The following GPC5 variants were observed in gnomAD, a reference collection of about 807,000 sequenced individuals.
GPC5 encodes glypican-5.
Under a neutral mutation model 53.9 loss-of-function variants are expected in GPC5, and 47 were observed. That is an observed-to-expected ratio of 0.87 (90% confidence interval 0.69 to 1.11). The LOEUF is 1.11. GPC5 is among the 50% of genes most tolerant of loss of function. The probability of loss-of-function intolerance (pLI) is 0.00; values close to 1 mark genes in which losing one functional copy is unlikely to be tolerated. For synonymous variants in GPC5, 286 were observed against 263.3 expected (o/e 1.09, Z -0.84); for missense variants, 748 against 713.1 (o/e 1.05, Z -0.56).
chr13:91,420,493 C>T (rs1459651517), intron 1 of GPC5, among the ~76,000 whole-genome samples: 2 of 152,114 alleles, frequency 1.3e-5, no homozygotes, highest in Non-Finnish European at 1.5e-5. Context: ...TATTTCTTAC[C>T]CTCAGAGCCA....
At chr13:92,529,950 A>G (rs1051508767) in intron 7 of GPC5, among the ~76,000 whole-genome samples, 1 of 151,840 alleles carries the variant, frequency 6.6e-6, no homozygotes, top group East Asian at 1.9e-4. Context: ...CCAGCGTGGT[A>G]GTGCGCCCCT....
chr13:92,242,580 A>T (rs925106194), intron 7 of GPC5, among the ~76,000 whole-genome samples: 1 of 151,998 alleles, frequency 6.6e-6, no homozygotes, highest in Non-Finnish European at 1.5e-5. Context: ...ATGTAACCAC[A>T]AAATTAAAAA....
At chr13:91,962,272 G>C (rs2040133206) in intron 6 of GPC5, among the ~76,000 whole-genome samples, 1 of 152,072 alleles carries the variant, frequency 6.6e-6, no homozygotes, top group African/African-American at 2.4e-5. Flanking sequence ...TTTTGAAACT[G>C]AAATTAACAT....
intron 4 of GPC5, among the ~76,000 whole-genome samples, chr13:91,749,988 T>G (rs896227644): frequency 6.6e-6 from 1 of 152,130 alleles, no homozygotes; most frequent in Non-Finnish European, 1.5e-5. Flanking sequence ...TTTTGTATTT[T>G]TAGTAGAAAC....
At chr13:91,469,909 G>A (rs1422871783) in intron 2 of GPC5, among the ~76,000 whole-genome samples, 5 of 152,132 alleles carry the variant, frequency 3.3e-5, no homozygotes, top group East Asian at 1.9e-4. Flanking sequence ...GCAGGGTGGC[G>A]TGTGCCTGTA....
At chr13:92,350,485 G>A (rs543709454) in intron 7 of GPC5, among the ~76,000 whole-genome samples, 9 of 152,248 alleles carry the variant, frequency 5.9e-5, no homozygotes, top group African/African-American at 2.2e-4. Flanking sequence ...ATCTAAAACA[G>A]TTGAACTCAT....
rs1278669079 is a variant in GPC5, at chr13:91,576,309, A to G, written c.326-116878A>G. 6.7e-5 allele frequency among the ~76,000 whole-genome samples: 4 copies of G among 60,022 alleles called. No homozygotes were observed. The East Asian group carries it at 1.5e-3, about 23-fold the overall frequency. The allele number at this position is 60,022 out of a possible 152,430, so 39.4% of individuals were successfully genotyped here. A position where few individuals can be genotyped will look rare whatever the true frequency, so the allele number is the denominator to read the frequency against. On this transcript the variant is annotated intron_variant, in intron 2 of 7. Coordinates refer to ENST00000377067, the MANE Select transcript of GPC5 (RefSeq NM_004466.6). Reference sequence around the variant, plus strand: ...ATATGTTAATTAGTTTAATTTAGCCAATACACAATGTGTATATATATATAT... The same window carrying G: ...ATATGTTAATTAGTTTAATTTAGCCGATACACAATGTGTATATATATATAT...
intron 6 of GPC5, among the ~76,000 whole-genome samples, chr13:92,001,883 AT>A (rs915748371): frequency 1.3e-5 from 2 of 152,122 alleles, no homozygotes; most frequent in African/African-American, 2.4e-5. Context: ...TGGAATTCTC[AT>A]TTTTAGTTTT....
At chr13:92,712,808 T>A (rs900196050) in intron 7 of GPC5, among the ~76,000 whole-genome samples, 1 of 152,174 alleles carries the variant, frequency 6.6e-6, no homozygotes, top group African/African-American at 2.4e-5. Context: ...GTCATATGAA[T>A]GGGCGTCAAT....
intron 3 of GPC5, among the ~76,000 whole-genome samples, chr13:91,721,063 CCCTTTCTT>C (rs1159395096): frequency 6.1e-5 from 9 of 147,180 alleles, no homozygotes; most frequent in African/African-American, 1.0e-4. Flanking sequence ...TTCCTTCCTT[CCCTTTCTT>C]TCTTTCTTTC....
chr13:92,729,447 A>G (rs541221664), intron 7 of GPC5, among the ~76,000 whole-genome samples: 17 of 151,596 alleles, frequency 1.1e-4, no homozygotes, highest in African/African-American at 3.9e-4. Context: ...ACATTGTGTG[A>G]AATGATATTT....
intron 6 of GPC5, among the ~76,000 whole-genome samples, chr13:92,136,906 C>T (rs1004783657): frequency 3.3e-5 from 5 of 152,176 alleles, no homozygotes; most frequent in Non-Finnish European, 7.4e-5. Flanking sequence ...GATATTCTAC[C>T]CACCAGACTC....
chr13:92,376,717 A>G (rs2043696270), intron 7 of GPC5, among the ~76,000 whole-genome samples: 1 of 152,242 alleles, frequency 6.6e-6, no homozygotes, highest in Non-Finnish European at 1.5e-5. Flanking sequence ...GGCAAGGTAC[A>G]GAAACTTCCC....
intron 7 of GPC5, among the ~76,000 whole-genome samples, chr13:92,667,259 T>C (rs543929789): frequency 3.3e-5 from 5 of 152,000 alleles, no homozygotes; most frequent in Admixed American, 6.6e-5. Context: ...GTTTCCAAAA[T>C]GAAGCTACTA....
chr13:91,653,672 A>G (rs2034775149), intron 2 of GPC5, among the ~76,000 whole-genome samples: 1 of 152,044 alleles, frequency 6.6e-6, no homozygotes. Flanking sequence ...TCTTCTCCCT[A>G]GCTTCCCCCT....
At chr13:92,326,567 G>A (rs141503328) in intron 7 of GPC5, among the ~76,000 whole-genome samples, 13 of 152,162 alleles carry the variant, frequency 8.5e-5, no homozygotes, top group African/African-American at 3.1e-4. Context: ...AACATCAATG[G>A]TTTGGAAAAT....
intron 7 of GPC5, among the ~76,000 whole-genome samples, chr13:92,454,007 G>T (rs1378653958): frequency 6.6e-6 from 1 of 152,078 alleles, no homozygotes; most frequent in Non-Finnish European, 1.5e-5. Context: ...CTCCTTCAGG[G>T]TCAGGGTCAG....
At chr13:92,013,544 A>C (rs1594723723) in intron 6 of GPC5, among the ~76,000 whole-genome samples, 2 of 152,302 alleles carry the variant, frequency 1.3e-5, no homozygotes, top group East Asian at 3.9e-4. Flanking sequence ...GGCATTATTC[A>C]AAAGGAACCA....
chr13:92,150,499 T>C (rs918739211), intron 7 of GPC5, among the ~76,000 whole-genome samples: 1 of 152,078 alleles, frequency 6.6e-6, no homozygotes, highest in Non-Finnish European at 1.5e-5. Flanking sequence ...AAATAATTGA[T>C]ACTCATCCTG....
Sources: allele counts gnomAD v4.1 joint callset (sites outside exome capture counted in the v4.1 genomes callset), GRCh38; gene constraint gnomAD v4.1.1; transcripts MANE v1.5; gene names NCBI Gene and HGNC (gene_info 2026-07-23, HGNC 2026-07-21).